MSH3: variants seen among roughly 807,000 people sequenced by gnomAD.
MSH3 encodes the protein DNA mismatch repair protein Msh3.
MSH3 carries 106 observed loss-of-function variants against 123.3 expected under a neutral mutation model. The ratio of observed to expected loss-of-function variants is 0.86; its 90% confidence interval spans 0.73 to 1.01. The LOEUF is 1.01. Ranked by LOEUF, MSH3 falls within the 50% of genes least tolerant of loss-of-function variation. MSH3 has a pLI of 0.00. For missense variants in MSH3, 1,459 were observed against 1,347.6 expected, an observed-to-expected ratio of 1.08 and a Z score of -1.29; for synonymous variants, 515 against 481.4, an observed-to-expected ratio of 1.07 and a Z score of -0.91.
intron 20 of MSH3, among the ~76,000 whole-genome samples, chr5:80,822,682 A>G (rs1011208218): frequency 6.6e-6 from 1 of 152,174 alleles, no homozygotes; most frequent in Admixed American, 6.5e-5. Context: ...TCTCCCTGAC[A>G]CTTTCCCTCT....
chr5:80,675,225 G>A (rs1749814525), intron 7 of MSH3, 97 bp downstream of exon 7: 2 of 1,284,250 alleles, frequency 1.6e-6, no homozygotes, highest in Non-Finnish European at 2.2e-6. Flanking sequence ...ATCTGATGAA[G>A]TGTACCTTCA....
intron 12 of MSH3, among the ~76,000 whole-genome samples, chr5:80,758,010 C>T (rs1387730722): frequency 1.3e-5 from 2 of 152,180 alleles, no homozygotes; most frequent in African/African-American, 4.8e-5. Flanking sequence ...TACCCTTTCA[C>T]TCTCTCCCTG....
intron 17 of MSH3, among the ~76,000 whole-genome samples, chr5:80,779,391 A>G (rs1744368746): frequency 6.6e-6 from 1 of 151,930 alleles, no homozygotes; most frequent in Non-Finnish European, 1.5e-5. Flanking sequence ...TTTGCTTTTT[A>G]TCTCTCATGT....
intron 8 of MSH3, among the ~76,000 whole-genome samples, chr5:80,681,141 G>T (rs1275905744): frequency 2.6e-5 from 4 of 152,014 alleles, no homozygotes; most frequent in Non-Finnish European, 5.9e-5. Flanking sequence ...AATAATCTTT[G>T]CCAGTCACAT....
At chr5:80,706,546 C>T (rs566328532) in intron 8 of MSH3, among the ~76,000 whole-genome samples, 10 of 152,206 alleles carry the variant, frequency 6.6e-5, no homozygotes, top group African/African-American at 2.4e-4. Context: ...TCACAGGAAG[C>T]ATAAATTATT....
intron 8 of MSH3, among the ~76,000 whole-genome samples, chr5:80,724,621 TAGG>T: frequency 6.6e-6 from 1 of 152,316 alleles, no homozygotes; most frequent in South Asian, 2.1e-4. Context: ...TACATATTTT[TAGG>T]AGGACTGTAG....
At chr5:80,853,200 G>A (rs755984747) in intron 20 of MSH3, among the ~76,000 whole-genome samples, 18 of 152,268 alleles carry the variant, frequency 1.2e-4, no homozygotes, top group South Asian at 8.3e-4. Flanking sequence ...GGCTGGGCAC[G>A]GTGGCTCATG....
chr5:80,815,690 A>AT (rs1255552420), intron 20 of MSH3, among the ~76,000 whole-genome samples: 1 of 152,064 alleles, frequency 6.6e-6, no homozygotes, highest in South Asian at 2.1e-4. Context: ...TTTTTAAAAA[A>AT]TTTTTTTAGG....
At chr5:80,874,778 CA>C (rs1333474054) in intron 23 of MSH3, among the ~76,000 whole-genome samples, 1 of 151,884 alleles carries the variant, frequency 6.6e-6, no homozygotes, top group Non-Finnish European at 1.5e-5. Context: ...AAAGCAAGAG[CA>C]AAAAAACTCT....
intron 20 of MSH3, among the ~76,000 whole-genome samples, chr5:80,827,085 T>A (rs527801335): frequency 5.9e-5 from 9 of 152,358 alleles, no homozygotes; most frequent in African/African-American, 2.2e-4. Flanking sequence ...TTGATGAATA[T>A]AAACTTAAAT....
At chr5:80,736,909 A>G (rs1743519746) in intron 10 of MSH3, among the ~76,000 whole-genome samples, 1 of 152,116 alleles carries the variant, frequency 6.6e-6, no homozygotes, top group South Asian at 2.1e-4. Flanking sequence ...TTTGCTTTGC[A>G]TTCTTTCACT....
intron 20 of MSH3, among the ~76,000 whole-genome samples, chr5:80,836,280 G>A (rs1745508043): frequency 6.6e-6 from 1 of 152,086 alleles, no homozygotes; most frequent in Non-Finnish European, 1.5e-5. Context: ...TATTACAATT[G>A]TAAAAACAAA....
At position 80,654,923 on chromosome 5, in the gene MSH3, C is replaced by T. The variant is rs767295239; in HGVS notation, c.196C>T (p.Pro66Ser). ...CGCAGCGGCCGCAGCGCCCCCAGCG[C>T]CCCCAGCTCCCGCCTTCCCGCCCCA... ...AAAAAAAPPA[P>S]PAPAFPPQLP... is the part of the protein sequence containing the mutation. The change falls in exon 1 of 24, where the codon CCC becomes TCC. Residue 66 changes from proline (P) to serine (S), a missense_variant. Transcript: ENST00000265081. 8 of 818,530 alleles carry T rather than the reference C, an allele frequency of 9.8e-6. No homozygotes were observed. Among genetic ancestry groups the T allele is most frequent in the African/African-American group, 2.8e-5 (1 of 35,096 alleles). The allele number at this position is 818,530 out of a possible 1,614,324, so 50.7% of individuals were successfully genotyped here. A position where few individuals can be genotyped will look rare whatever the true frequency, so the allele number is the denominator to read the frequency against.
intron 20 of MSH3, among the ~76,000 whole-genome samples, chr5:80,844,550 G>A (rs1030949738): frequency 2.6e-5 from 4 of 152,014 alleles, no homozygotes; most frequent in African/African-American, 9.7e-5. Flanking sequence ...CTTTGTAGGT[G>A]TCTAAGGACT....
At chr5:80,794,971 A>G (rs1398696319) in intron 19 of MSH3, among the ~76,000 whole-genome samples, 1 of 152,220 alleles carries the variant, frequency 6.6e-6, no homozygotes, top group African/African-American at 2.4e-5. Flanking sequence ...ACAGCCAGCC[A>G]GTTTTCATTT....
chr5:80,717,780 T>C (rs1164193701), intron 8 of MSH3, among the ~76,000 whole-genome samples: 1 of 152,192 alleles, frequency 6.6e-6, no homozygotes, highest in African/African-American at 2.4e-5. Context: ...TTTTTTCATA[T>C]ATTGGCCATT....
chr5:80,682,415 T>A (rs922204753), intron 8 of MSH3, among the ~76,000 whole-genome samples: 12 of 152,022 alleles, frequency 7.9e-5, no homozygotes, highest in Non-Finnish European at 1.8e-4. Flanking sequence ...TTTTTTTTTT[T>A]ATATTTTAAT....
intron 12 of MSH3, among the ~76,000 whole-genome samples, chr5:80,753,383 AGGAATGTAG>A (rs1743870113): frequency 6.6e-6 from 1 of 152,176 alleles, no homozygotes; most frequent in South Asian, 2.1e-4. Flanking sequence ...AGCTACCGTC[AGGAATGTAG>A]GGAGACTTTA....
At chr5:80,734,566 C>G (rs1050057863) in intron 10 of MSH3, among the ~76,000 whole-genome samples, 2 of 152,114 alleles carry the variant, frequency 1.3e-5, no homozygotes, top group Non-Finnish European at 2.9e-5. Context: ...AAGGCAATAT[C>G]CTTCTGAGGC....
Sources: allele counts gnomAD v4.1 joint callset (sites outside exome capture counted in the v4.1 genomes callset), GRCh38; gene constraint gnomAD v4.1.1; transcripts MANE v1.5; gene names NCBI Gene and HGNC (gene_info 2026-07-23, HGNC 2026-07-21).